The following MSR1 variants were observed in gnomAD, a reference collection of about 807,000 sequenced individuals.
MSR1 encodes macrophage scavenger receptor types I and II.
In MSR1, 53 loss-of-function variants were observed where a neutral mutation model predicts 47.2. The ratio of observed to expected loss-of-function variants is 1.12; its 90% CI spans 0.90 to 1.41. MSR1 has a LOEUF of 1.41. MSR1 is among the 40% of genes most tolerant of loss of function. The pLI is 0.00. For synonymous variants in MSR1, 239 were observed against 185.6 expected, an observed-to-expected ratio of 1.29 and a Z score of -2.34; for missense variants, 786 against 546.9, an observed-to-expected ratio of 1.44 and a Z score of -4.36.
At chr8:16,165,214 T>C (rs543773829) in intron 4 of MSR1, among the ~76,000 whole-genome samples, 1 of 152,128 alleles carries the variant, frequency 6.6e-6, no homozygotes, top group Non-Finnish European at 1.5e-5. Context: ...GCCGTACTAC[T>C]CTCCAAATAT....
At chr8:16,142,025 C>T (rs563053729) in intron 8 of MSR1, among the ~76,000 whole-genome samples, 44 of 152,064 alleles carry the variant, frequency 2.9e-4, no homozygotes, top group African/African-American at 1.0e-3. Context: ...AGAAGTAAGT[C>T]GAGTAAAAAG....
chr8:16,143,837 C>T (rs1187331622), intron 7 of MSR1, among the ~76,000 whole-genome samples: 1 of 151,974 alleles, frequency 6.6e-6, no homozygotes, highest in African/African-American at 2.4e-5. Context: ...GCCCTAAATG[C>T]CCCATTTTCC....
intron 1 of MSR1, among the ~76,000 whole-genome samples, chr8:16,181,818 A>T (rs1341378314): frequency 6.6e-6 from 1 of 151,994 alleles, no homozygotes; most frequent in Non-Finnish European, 1.5e-5. Flanking sequence ...AAAAAGAAAA[A>T]CGAAAACCCT....
chr8:16,109,555 T>G lies in MSR1; in HGVS notation c.*530A>C, dbSNP rs1167041072. 6.1e-6 allele frequency: 1 copy of G among 163,978 alleles called. No homozygotes were observed. Among genetic ancestry groups the G allele is most frequent in the South Asian group, 1.6e-4 (1 of 6,364 alleles). 10.2% of individuals were successfully genotyped at this position (163,978 alleles called of 1,614,324 possible). On this transcript the variant is annotated 3_prime_UTR_variant, in exon 10 of 10. Coordinates refer to ENST00000262101, the MANE Select transcript of MSR1 (RefSeq NM_138715.3). ...ACATATCATTAACATTGATATCTAA[T>G]ACACAAGTTATTGCACATTGAGATA...
At chr8:16,165,299 T>A (rs1801273237) in intron 4 of MSR1, among the ~76,000 whole-genome samples, 1 of 152,098 alleles carries the variant, frequency 6.6e-6, no homozygotes, top group Admixed American at 6.5e-5. Context: ...ACCATTAATA[T>A]ATTTAAGTTT....
chr8:16,141,152 A>G, intron 8 of MSR1: 1 of 1,220,682 alleles, frequency 8.2e-7, no homozygotes, highest in Non-Finnish European at 1.2e-6. Context: ...ATTTTCACAT[A>G]CCACCATTAA....
intron 5 of MSR1, among the ~76,000 whole-genome samples, chr8:16,157,682 T>C (rs1252500251): frequency 6.6e-6 from 1 of 151,912 alleles, no homozygotes; most frequent in Non-Finnish European, 1.5e-5. Flanking sequence ...CACTTTACTC[T>C]TAGTTTCTGA....
At chr8:16,147,427 G>A (rs1284483323) in intron 7 of MSR1, among the ~76,000 whole-genome samples, 1 of 152,078 alleles carries the variant, frequency 6.6e-6, no homozygotes. Flanking sequence ...AAAATAGATG[G>A]AGGATGTTCT....
At chr8:16,150,993 T>G (rs191439479) in intron 6 of MSR1, among the ~76,000 whole-genome samples, 46 of 152,192 alleles carry the variant, frequency 3.0e-4, no homozygotes, top group Admixed American at 1.3e-3. Flanking sequence ...TACCCAATAT[T>G]ACTATGGTGA....
At chr8:16,169,013 T>G (rs1801406344) in intron 3 of MSR1, 143 bp from the exon 4 acceptor site, 3 of 801,338 alleles carry the variant, frequency 3.7e-6, no homozygotes, top group Non-Finnish European at 5.9e-6. Flanking sequence ...GTATTTTTTT[T>G]TAATCTACAA....
intron 8 of MSR1, among the ~76,000 whole-genome samples, chr8:16,124,097 T>C (rs1800073578): frequency 6.6e-6 from 1 of 152,176 alleles, no homozygotes; most frequent in African/African-American, 2.4e-5. Context: ...AGCCTATTTC[T>C]TAGTGATAGT....
intron 3 of MSR1, among the ~76,000 whole-genome samples, chr8:16,174,352 T>C (rs1210895467): frequency 6.6e-6 from 1 of 152,156 alleles, no homozygotes; most frequent in Non-Finnish European, 1.5e-5. Context: ...TTATCAGTCA[T>C]ATAGAGAAGA....
At chr8:16,140,652 A>G in intron 8 of MSR1, 1 of 1,212,218 alleles carries the variant, frequency 8.2e-7, no homozygotes, top group Non-Finnish European at 1.0e-6. Context: ...AACCCAATAA[A>G]TTAAATTGGG....
chr8:16,115,535 C>A (rs1010610981), intron 9 of MSR1, among the ~76,000 whole-genome samples: 1 of 152,132 alleles, frequency 6.6e-6, no homozygotes, highest in Non-Finnish European at 1.5e-5. Flanking sequence ...TGAAGTAGAT[C>A]ATAAAACTTA....
At chr8:16,118,524 C>A (rs1799927582) in intron 9 of MSR1, among the ~76,000 whole-genome samples, 1 of 151,972 alleles carries the variant, frequency 6.6e-6, no homozygotes, top group Admixed American at 6.6e-5. Flanking sequence ...ACCAAATATA[C>A]AAAAACTAGC....
intron 9 of MSR1, among the ~76,000 whole-genome samples, chr8:16,114,866 T>C (rs1373077383): frequency 6.6e-6 from 1 of 152,162 alleles, no homozygotes; most frequent in African/African-American, 2.4e-5. Flanking sequence ...TGGTGCATTA[T>C]AAAAAGAGGG....
At position 16,109,610 on chromosome 8, in the gene MSR1, A is replaced by T. The variant is rs958525943; in HGVS notation, c.*475T>A. The T allele has an allele frequency of 5.8e-6, 1 of 171,022 alleles. No homozygotes were observed. The highest frequency in any genetic ancestry group is 2.4e-5 in the African/African-American group (1 of 41,576). The allele number at this position is 171,022 out of a possible 1,614,324, so 10.6% of individuals were successfully genotyped here. ...AATAGTTGGATAACATTCTTATTTT[A>T]AAACAATATGTGTGGATTGGAGATT... On this transcript the variant is annotated 3_prime_UTR_variant, in exon 10 of 10. Transcript: ENST00000262101.
intron 4 of MSR1, among the ~76,000 whole-genome samples, chr8:16,166,936 TAC>T (rs5889636): frequency 0.79 from 115,872 of 146,920 alleles, 46,126 homozygotes; most frequent in Non-Finnish European, 0.86. Context: ...TACACAGGAG[TAC>T]ACACACACAC....
chr8:16,118,528 A>T (rs1333508810), intron 9 of MSR1, among the ~76,000 whole-genome samples: 1 of 152,088 alleles, frequency 6.6e-6, no homozygotes, highest in Non-Finnish European at 1.5e-5. Context: ...AATATACAAA[A>T]ACTAGCCAGG....
Sources: gnomAD v4.1 joint callset for allele counts (sites outside exome capture counted in the v4.1 genomes callset) on GRCh38, gnomAD v4.1.1 for gene constraint, MANE v1.5 for transcripts, NCBI Gene and HGNC (gene_info 2026-07-23, HGNC 2026-07-21) for gene names.